Variants in PSD3 observed in about 807,000 individuals in gnomAD.
PSD3 encodes the protein pleckstrin and Sec7 domain containing 3, also known as PH and SEC7 domain-containing protein 3.
PSD3 carries 49 observed loss-of-function variants against 105.5 expected under a neutral mutation model. The ratio of observed to expected loss-of-function variants is 0.46; its 90% confidence interval spans 0.37 to 0.59. The LOEUF is 0.59. Ranked by LOEUF, PSD3 falls within the 20% of genes least tolerant of loss-of-function variation. The pLI is 0.00. For missense variants in PSD3, 1,561 were observed against 1,263.8 expected, an observed-to-expected ratio of 1.24 and a Z score of -3.57; for synonymous variants, 557 against 457.8, an observed-to-expected ratio of 1.22 and a Z score of -2.77.
rs1429667800 is a variant in PSD3 at position 18,632,627 on chromosome 8, A to G, written c.2396T>C (p.Met799Thr). 6.2e-7 allele frequency: 1 copy of G among 1,611,758 alleles called. No homozygotes were observed. Among genetic ancestry groups the G allele is most frequent in the Non-Finnish European group, 8.5e-7 (1 of 1,178,598 alleles). The change falls in exon 11 of 16, where the codon ATG (methionine) becomes ACG (threonine). Residue 799 changes from methionine (M) to threonine (T), a missense_variant. Met to Thr is a moderately conservative substitution (Grantham distance 81, BLOSUM62 -1). Coordinates refer to ENST00000327040, the MANE Select transcript of PSD3 (RefSeq NM_015310.4). ...ATGATACTTACTCTTCTTTCCATCC[A>G]TATCTGCATGAATTTTCCGAGCCAA... ...GFLARKIHAD[M>T]DGKKTPRGKR...
chr8:18,772,056 G>GA (rs1414374338), intron 8 of PSD3, among the ~76,000 whole-genome samples: 3 of 152,112 alleles, frequency 2.0e-5, no homozygotes, highest in Admixed American at 2.0e-4. Context: ...CATGTGACAG[G>GA]ATTTCTTTCC....
At chr8:18,727,551 A>ACACAC (rs1803419440) in intron 9 of PSD3, among the ~76,000 whole-genome samples, 5 of 137,628 alleles carry the variant, frequency 3.6e-5, no homozygotes, top group African/African-American at 1.4e-4. Flanking sequence ...AAAAAATCCA[A>ACACAC]ACACACACAC....
At chr8:19,084,494 C>A in exon 1 of PSD3, 1 of 444,854 alleles carries the variant, frequency 2.2e-6, no homozygotes, top group Non-Finnish European at 4.5e-6. Context: ...GCCAGTGCTT[C>A]CAGCCCATGG....
In PSD3 at chr8:19,041,960, C is replaced by A. The variant is rs181679767; in HGVS notation, c.324+42246G>T. On this transcript the variant is annotated intron_variant, in intron 1 of 1. Transcript: ENST00000521475. ...TCAGAACTGCATTTTTTAAAAAATTCTATTTTGGATTTTTTTTTAACTTTT... is the reference window on the plus strand; with the variant it reads ...TCAGAACTGCATTTTTTAAAAAATTATATTTTGGATTTTTTTTTAACTTTT... Among the ~76,000 whole-genome samples the A allele has an allele frequency of 5.3e-3, 770 of 145,598 alleles. 9 individuals carry two copies. The highest frequency in any genetic ancestry group is 0.021 in the African/African-American group (745 of 35,980).
chr8:19,000,432 A>G (rs1826312520), intron 1 of PSD3, among the ~76,000 whole-genome samples: 1 of 151,252 alleles, frequency 6.6e-6, no homozygotes, highest in African/African-American at 2.4e-5. Context: ...AACCTGATAC[A>G]ATCAAAAGAA....
Position 18,534,140 on chromosome 8 carries a change from G to GAACAT in PSD3, c.*1602_*1603insATGTT, listed in dbSNP as rs999583130. On this transcript the variant is annotated 3_prime_UTR_variant, in exon 16 of 16. Transcript: ENST00000327040. ...ACAGCAGGTTTTCTCTAATTCACTG[G>GAACAT]AACCATGCTATTCCTGTAGAGCAGC... 3.3e-5 allele frequency: 5 copies of GAACAT among 152,244 alleles called. No homozygotes were observed. Among genetic ancestry groups the GAACAT allele is most frequent in the Non-Finnish European group, 5.9e-5 (4 of 68,028 alleles). The allele number at this position is 152,244 out of a possible 1,614,324, so 9.4% of individuals were successfully genotyped here.
chr8:18,632,059 C>A (rs1239364457), intron 11 of PSD3, among the ~76,000 whole-genome samples: 3 of 151,998 alleles, frequency 2.0e-5, no homozygotes, highest in Admixed American at 2.0e-4. Context: ...AATCAGAAGC[C>A]ATCCAATTAG....
intron 4 of PSD3, among the ~76,000 whole-genome samples, chr8:18,853,411 A>G (rs1242893250): frequency 1.3e-5 from 2 of 152,132 alleles, no homozygotes; most frequent in East Asian, 3.9e-4. Flanking sequence ...AATGGACATA[A>G]TATCAACGGA....
At chr8:18,768,637 C>T (rs902059308) in intron 8 of PSD3, among the ~76,000 whole-genome samples, 1 of 152,146 alleles carries the variant, frequency 6.6e-6, no homozygotes. Flanking sequence ...GTATACACAA[C>T]CTCAAATTCA....
intron 4 of PSD3, among the ~76,000 whole-genome samples, chr8:18,821,717 A>ACACCCCCC (rs1554513425): frequency 2.8e-5 from 4 of 141,120 alleles, no homozygotes; most frequent in African/African-American, 8.0e-5. Flanking sequence ...ACACACACAC[A>ACACCCCCC]CCCCAATAAC....
intron 14 of PSD3, among the ~76,000 whole-genome samples, chr8:18,564,738 C>G (rs1801624484): frequency 6.6e-6 from 1 of 151,990 alleles, no homozygotes; most frequent in Non-Finnish European, 1.5e-5. Context: ...ACAAGAATGA[C>G]CTCCTCCCCT....
intron 2 of PSD3, among the ~76,000 whole-genome samples, chr8:18,891,363 C>T (rs1326159778): frequency 6.6e-6 from 1 of 151,966 alleles, no homozygotes; most frequent in East Asian, 1.9e-4. Context: ...CGTTCGCTTC[C>T]ACTTCAGGAA....
chr8:18,575,433 TATAA>T (rs1563338369), intron 12 of PSD3, 148 bp from the exon 13 acceptor site: 1 of 714,174 alleles, frequency 1.4e-6, no homozygotes, highest in Non-Finnish European at 2.1e-6. Context: ...AAAACAACCT[TATAA>T]ATGTTACAGA....
rs113110097 is a variant in PSD3, at chr8:18,613,197, C to T, written c.2411-12763G>A. On this transcript the variant is annotated intron_variant, in intron 11 of 15. Transcript: ENST00000327040. The stretch of plus-strand genomic sequence containing the variant: ...CCAACACCTGACGAAATGCCGCCTT[C>T]AAGCCTAAAACAGCATGAGGGATGA... Among the ~76,000 whole-genome samples, 406 of 152,262 alleles carry T rather than the reference C, an allele frequency of 2.7e-3. 1 individual carries two copies. The highest frequency in any genetic ancestry group is 9.3e-3 in the African/African-American group (388 of 41,544).
intron 2 of PSD3, among the ~76,000 whole-genome samples, chr8:18,914,219 T>C (rs528522986): frequency 6.7e-6 from 1 of 150,204 alleles, no homozygotes; most frequent in East Asian, 2.0e-4. Flanking sequence ...AAAAACACCT[T>C]TCAACAAATC....
chr8:18,872,287 T>A lies in PSD3; in HGVS notation c.577A>T (p.Asn193Tyr), dbSNP rs1266648600. The change falls in exon 3 of 16, where the codon AAT (asparagine) becomes TAT (tyrosine). Residue 193 changes from asparagine to tyrosine, a missense_variant. Physicochemically the swap from Asn to Tyr is moderately radical, Grantham distance 143. Transcript: ENST00000327040. The stretch of plus-strand genomic sequence containing the variant: ...GCTGAAAGAGGTATTTCTGGTAAAT[T>A]TTTTTGGCCAGCAGGGAGCGTTTTG... ...VNKTLPAGQK[N>Y]LPEIPLSAEV... 1 of 1,614,190 alleles carries A rather than the reference T, an allele frequency of 6.2e-7. No homozygotes were observed. The highest frequency in any genetic ancestry group is 1.7e-5 in the Admixed American group (1 of 60,032).
At chr8:18,622,482 T>G (rs992883545) in intron 11 of PSD3, among the ~76,000 whole-genome samples, 3 of 152,198 alleles carry the variant, frequency 2.0e-5, no homozygotes, top group African/African-American at 4.8e-5. Context: ...CATTCCATCT[T>G]CCCAATATAC....
At chr8:18,773,608 T>C (rs1488116662) in intron 8 of PSD3, among the ~76,000 whole-genome samples, 1 of 152,166 alleles carries the variant, frequency 6.6e-6, no homozygotes, top group Non-Finnish European at 1.5e-5. Flanking sequence ...TCCATGAACA[T>C]GAAATATTTT....
intron 2 of PSD3, among the ~76,000 whole-genome samples, chr8:18,919,907 G>C (rs1820888558): frequency 6.7e-6 from 1 of 149,702 alleles, no homozygotes; most frequent in Admixed American, 6.7e-5. Flanking sequence ...GCTAGATGAC[G>C]AGTTAGTGGG....
Sources: gnomAD v4.1 joint callset for allele counts (sites outside exome capture counted in the v4.1 genomes callset) on GRCh38, gnomAD v4.1.1 for gene constraint, MANE v1.5 for transcripts, NCBI Gene and HGNC (gene_info 2026-07-23, HGNC 2026-07-21) for gene names.